The following NAV1 variants were observed in gnomAD, a reference collection of about 807,000 sequenced individuals.
The protein encoded by NAV1 is neuron navigator 1, also known as pore membrane and/or filament interacting like protein 3.
In NAV1, 18 loss-of-function variants were observed where a neutral mutation model predicts 175.2. The observed-to-expected ratio is 0.10, with a 90% CI of 0.07 to 0.15. The LOEUF (loss-of-function observed/expected upper bound fraction) is 0.15, where lower values mean the gene tolerates loss of function less well. Among genes scored for constraint, NAV1 ranks in the 10% least tolerant of loss-of-function variants. The probability of loss-of-function intolerance (pLI) is 1.00; values close to 1 mark genes in which losing one functional copy is unlikely to be tolerated. For missense variants in NAV1, 1,731 were observed against 2,436.6 expected (o/e 0.71, Z 6.10); for synonymous variants, 897 against 978.7 (o/e 0.92, Z 1.56).
At position 201,570,074 on chromosome 1, in the gene NAV1, A is replaced by G. The variant is rs982423799; in HGVS notation, c.-143-18465A>G. ...TATTATGATTAAGAAGAGGCACTAT[A>G]GTCATCCGGGGTGAGCGCTTCTCTG... On this transcript the variant is annotated intron_variant, in intron 1 of 33. Transcript: ENST00000685211. Among the ~76,000 whole-genome samples the G allele has an allele frequency of 4.6e-5, 7 of 152,334 alleles. No homozygotes were observed. The South Asian group carries it at 1.5e-3, about 32-fold the overall frequency.
At position 201,816,062 on chromosome 1, in the gene NAV1, CCA is replaced by C. The variant is rs202132998; in HGVS notation, c.5341-1017_5341-1016del. On this transcript the variant is annotated intron_variant, in intron 28 of 29. Transcript: ENST00000367296. ...TGAGAATAGATTTTAAGTGTTCTCA[CCA>C]CACACACAGAAATATGTGAGGTAAA... 2.1e-3 allele frequency among the ~76,000 whole-genome samples: 320 copies of C among 151,798 alleles called. 4 individuals are homozygous for C. Among genetic ancestry groups the C allele is most frequent in the African/African-American group, 6.8e-3 (280 of 41,466 alleles).
chr1:201,589,280 A>T (rs1667123123), intron 2 of NAV1, among the ~76,000 whole-genome samples: 1 of 152,228 alleles, frequency 6.6e-6, no homozygotes, highest in African/African-American at 2.4e-5. Context: ...CATGCAGCAG[A>T]AACAGAGTTA....
At chr1:201,824,175 T>C (rs572174440) in exon 30 of NAV1, 1 of 152,272 alleles carries the variant, frequency 6.6e-6, no homozygotes, top group South Asian at 2.1e-4. Context: ...ATACTTTATT[T>C]TTGCTTTCCT....
chr1:201,665,629 T>A (rs539574464), intron 1 of NAV1, among the ~76,000 whole-genome samples: 1 of 90,232 alleles, frequency 1.1e-5, no homozygotes, highest in South Asian at 2.9e-4. Context: ...GTCAGCTGGA[T>A]CACCTTCACT....
chr1:201,577,874 A>G (rs503498), intron 1 of NAV1, among the ~76,000 whole-genome samples: 15,357 of 152,080 alleles, frequency 0.1, 1,039 homozygotes, highest in African/African-American at 0.19. Context: ...CTGTCATTTG[A>G]ACCCTTTCCA....
exon 14 of NAV1, chr1:201,793,815 G>A (rs1316647790): frequency 1.3e-6 from 2 of 1,592,248 alleles, no homozygotes; most frequent in Non-Finnish European, 1.7e-6. Context: ...CTGCTTTTGA[G>A]CAGAGCCTGG....
chr1:201,712,893 C>A (rs1240729793), exon 2 of NAV1: 3 of 1,613,712 alleles, frequency 1.9e-6, no homozygotes, highest in African/African-American at 2.7e-5. Context: ...CCATGTCCAG[C>A]CTGCGAGGGT....
At chr1:201,780,232 C>T (rs1295540784) in intron 3 of NAV1, among the ~76,000 whole-genome samples, 189 bp from the exon 8 acceptor site, 1 of 152,152 alleles carries the variant, frequency 6.6e-6, no homozygotes, top group African/African-American at 2.4e-5. Context: ...TGTAAAAGAA[C>T]ATCACCAAAT....
At position 201,539,749 on chromosome 1, in the gene NAV1, C is replaced by G. The variant is rs1003779947; in HGVS notation, c.-144+407C>G. Among the ~76,000 whole-genome samples the G allele has an allele frequency of 1.3e-5, 2 of 152,144 alleles. No homozygotes were observed. Among genetic ancestry groups the G allele is most frequent in the Admixed American group, 1.3e-4 (2 of 15,280 alleles). On this transcript the variant is annotated intron_variant, in intron 1 of 33. Transcript: ENST00000685211. The surrounding 1 kb of genome is among the most constrained non-coding windows in gnomAD (Gnocchi z 5.6). The stretch of plus-strand genomic sequence containing the variant: ...TCGCACCCACACGGCAAGCACACAC[C>G]CTACCCGCACCTCTGCCTTTCGTTG...
intron 1 of NAV1, among the ~76,000 whole-genome samples, chr1:201,586,017 C>G (rs987919785): frequency 6.6e-6 from 1 of 152,206 alleles, no homozygotes; most frequent in African/African-American, 2.4e-5. Context: ...TATTTGTACA[C>G]TCATGTTCAT....
intron 1 of NAV1, among the ~76,000 whole-genome samples, chr1:201,543,869 A>G (rs1372850371): frequency 6.6e-6 from 1 of 152,152 alleles, no homozygotes; most frequent in Non-Finnish European, 1.5e-5. Context: ...CCGCCATTTT[A>G]CTTCCCATCT....
chr1:201,725,166 A>G (rs1417846097), intron 3 of NAV1, among the ~76,000 whole-genome samples: 1 of 152,212 alleles, frequency 6.6e-6, no homozygotes, highest in Non-Finnish European at 1.5e-5. Flanking sequence ...TTCTCTTGCA[A>G]TGAGCACTGG....
In NAV1 at chr1:201,788,431, G is replaced by T. The variant is rs374613705; in HGVS notation, c.2996-37G>T. The T allele has an allele frequency of 6.2e-7, 1 of 1,611,802 alleles. No homozygotes were observed. Among genetic ancestry groups the T allele is most frequent in the Admixed American group, 1.7e-5 (1 of 59,980 alleles). On this transcript the variant is annotated intron_variant, in intron 9 of 29. Transcript: ENST00000367296. The surrounding 1 kb of genome is among the most constrained non-coding windows in gnomAD (Gnocchi z 5.7). Reference sequence around the variant, plus strand: ...ACCCTGCCTCTTTTCCTGCCCTCCTGCTCCCTCTCCTGTCCCCCTTCCCTC... The same window carrying T: ...ACCCTGCCTCTTTTCCTGCCCTCCTTCTCCCTCTCCTGTCCCCCTTCCCTC...
upstream of NAV1, among the ~76,000 whole-genome samples, chr1:201,643,487 C>A (rs1668877555): frequency 6.6e-6 from 1 of 150,838 alleles, no homozygotes; most frequent in African/African-American, 2.4e-5. Flanking sequence ...AGTAGTGCAA[C>A]CTCAGCTCAC....
intron 1 of NAV1, among the ~76,000 whole-genome samples, chr1:201,664,929 T>C (rs1269133474): frequency 1.3e-5 from 2 of 152,164 alleles, no homozygotes; most frequent in African/African-American, 4.8e-5. Flanking sequence ...CCAGGTGTCC[T>C]TGGGTTACTG....
rs1302045303 is a variant in NAV1, at chr1:201,655,493, G to A, written c.757+6068G>A. Among the ~76,000 whole-genome samples, 10 of 152,238 alleles carry A rather than the reference G, an allele frequency of 6.6e-5. No individual in the cohort carries two copies. The East Asian group carries it at 1.2e-3, about 18-fold the overall frequency. ...GCCAGGCCCAGCTCACTGGCCCTGC[G>A]TGGGCAGGTTCCCTCCTATAGGAGG... On this transcript the variant is annotated intron_variant, in intron 1 of 29. Transcript: ENST00000367296.
intron 1 of NAV1, among the ~76,000 whole-genome samples, chr1:201,557,423 G>A (rs770539960): frequency 4.6e-5 from 7 of 152,212 alleles, no homozygotes; most frequent in African/African-American, 9.6e-5. Flanking sequence ...TTAGGGGCCT[G>A]CCTTAGGGCT....
At chr1:201,573,758 C>T (rs551198171) in intron 1 of NAV1, among the ~76,000 whole-genome samples, 1 of 152,076 alleles carries the variant, frequency 6.6e-6, no homozygotes, top group Non-Finnish European at 1.5e-5. Context: ...GGTCATGGAC[C>T]CTTTTTGGGA....
intron 3 of NAV1, among the ~76,000 whole-genome samples, chr1:201,720,848 C>G (rs1438275350): frequency 6.6e-6 from 1 of 151,864 alleles, no homozygotes; most frequent in East Asian, 1.9e-4. Context: ...AGACATGATT[C>G]TTACCGTCAG....
Sources: allele counts gnomAD v4.1 joint callset (sites outside exome capture counted in the v4.1 genomes callset), GRCh38; gene constraint gnomAD v4.1.1; non-coding constraint Gnocchi (gnomAD v3.1); transcripts MANE v1.5; gene names NCBI Gene and HGNC (gene_info 2026-07-23, HGNC 2026-07-21).